ORMDL1: variants seen among roughly 807,000 people sequenced by gnomAD.
ORMDL1 encodes the protein ORM1-like protein 1.
ORMDL1 carries 10 observed loss-of-function variants against 13.0 expected under a neutral mutation model. That is an observed-to-expected ratio of 0.77 (90% confidence interval 0.47 to 1.30). ORMDL1 has a LOEUF of 1.30. Among genes scored for constraint, ORMDL1 ranks in the 50% most tolerant of loss-of-function variants. The pLI is 0.00. For missense variants in ORMDL1, 171 were observed against 186.7 expected (o/e 0.92, Z 0.49); for synonymous variants, 61 against 63.9 (o/e 0.95, Z 0.22).
At chr2:189,777,516 AAC>A (rs1390395910) in intron 3 of ORMDL1, among the ~76,000 whole-genome samples, 2 of 152,246 alleles carry the variant, frequency 1.3e-5, no homozygotes, top group African/African-American at 4.8e-5. Context: ...AGAATATCAA[AAC>A]AGTTTATTTT....
At chr2:189,774,152 G>A (rs1334989760) in intron 4 of ORMDL1, 1 of 152,162 alleles carries the variant, frequency 6.6e-6, no homozygotes, top group Admixed American at 6.5e-5. Context: ...ATGCATGCAT[G>A]CATTCATTCA....
At chr2:189,782,817 A>T (rs2047898009) in intron 2 of ORMDL1, 197 bp downstream of exon 2, 1 of 436,282 alleles carries the variant, frequency 2.3e-6, no homozygotes, top group African/African-American at 2.0e-5. Context: ...AAGACTTGTT[A>T]TTATGGTTCT....
intron 3 of ORMDL1, among the ~76,000 whole-genome samples, chr2:189,779,060 C>T (rs1036423830): frequency 6.6e-6 from 1 of 152,096 alleles, no homozygotes; most frequent in East Asian, 1.9e-4. Flanking sequence ...CACCTATAGT[C>T]CTAGCTACTT....
rs1464711182 is a variant in ORMDL1 at position 189,770,639 on chromosome 2, A to G, written c.*1128T>C. The G allele has an allele frequency of 6.6e-6, 1 of 152,176 alleles. No homozygotes were observed. Among genetic ancestry groups the G allele is most frequent in the African/African-American group, 2.4e-5 (1 of 41,418 alleles). The allele number at this position is 152,176 out of a possible 1,614,324, so 9.4% of individuals were successfully genotyped here. Reference sequence around the variant, plus strand: ...TAGTATATAGTTATTTCTTGCAATTAATGTCAGCAACTATAAGAAGCTTTC... The same window carrying G: ...TAGTATATAGTTATTTCTTGCAATTGATGTCAGCAACTATAAGAAGCTTTC... On this transcript the variant is annotated 3_prime_UTR_variant, in exon 5 of 5. Coordinates refer to ENST00000392349, the MANE Select transcript of ORMDL1 (RefSeq NM_016467.5).
At chr2:189,782,718 G>T in intron 2 of ORMDL1, 116 bp from the exon 3 acceptor site, 1 of 895,420 alleles carries the variant, frequency 1.1e-6, no homozygotes, top group Non-Finnish European at 1.7e-6. Context: ...TTACTTTGAA[G>T]TAGCACACAA....
chr2:189,783,958 C>G (rs2047995539), intron 1 of ORMDL1: 1 of 152,370 alleles, frequency 6.6e-6, no homozygotes, highest in Non-Finnish European at 1.5e-5. Context: ...GGAGTCCCCC[C>G]TGCTAGACCG....
chr2:189,779,277 G>C (rs1301176812), intron 3 of ORMDL1, among the ~76,000 whole-genome samples: 3 of 152,104 alleles, frequency 2.0e-5, no homozygotes, highest in African/African-American at 7.2e-5. Context: ...AGGAGTTCAA[G>C]ACCAGCCTGG....
At chr2:189,765,566 A>G (rs2047467413), downstream of ORMDL1, 1 of 152,236 alleles carries the variant, frequency 6.6e-6, no homozygotes, top group Non-Finnish European at 1.5e-5. Context: ...ATACTAATGT[A>G]TTATTTATGA....
intron 3 of ORMDL1, among the ~76,000 whole-genome samples, chr2:189,776,081 T>C (rs1032981541): frequency 1.3e-5 from 2 of 152,146 alleles, no homozygotes; most frequent in Admixed American, 6.6e-5. Flanking sequence ...AGGTTTTTCT[T>C]CAGGGTATAT....
downstream of ORMDL1, chr2:189,765,522 A>G (rs2047467103): frequency 6.6e-6 from 1 of 152,236 alleles, no homozygotes; most frequent in African/African-American, 2.4e-5. Flanking sequence ...TACCCACCAC[A>G]AACTGCTAAT....
intron 4 of ORMDL1, among the ~76,000 whole-genome samples, chr2:189,773,355 T>G (rs978801899): frequency 6.6e-6 from 1 of 152,228 alleles, no homozygotes; most frequent in Non-Finnish European, 1.5e-5. Flanking sequence ...GATAGTAGTT[T>G]AGGGTTTAAC....
At chr2:189,767,708 CTT>C (rs2047506037), downstream of ORMDL1, among the ~76,000 whole-genome samples, 3 of 152,164 alleles carry the variant, frequency 2.0e-5, no homozygotes, top group South Asian at 6.2e-4. Context: ...ATCTGCTAAA[CTT>C]AACATTATTT....
chr2:189,780,324 G>A (rs4525728), intron 3 of ORMDL1, among the ~76,000 whole-genome samples: 89,937 of 152,166 alleles, frequency 0.59, 30,134 homozygotes, highest in South Asian at 0.76. Flanking sequence ...TTGGGTTTCT[G>A]ATTAGGGATG....
rs752418019 is a variant in ORMDL1, at chr2:189,775,712, A to G, written c.179T>C (p.Met60Thr). The G allele has an allele frequency of 5.0e-5, 80 of 1,611,512 alleles. No homozygotes were observed. Among genetic ancestry groups the G allele is most frequent in the Non-Finnish European group, 6.5e-5 (77 of 1,179,296 alleles). ...TTTCACTGCATGCAAAAATACGTAC[A>G]TCCCCTGGAAAACAAGCAAGGGGTT... ...TLTNIIHNLG[M>T]YVFLHAVKGT... Residue 60 changes from methionine to threonine, a missense_variant, in exon 4 of 5, where the codon ATG becomes ACG. Met to Thr is a moderately conservative substitution (Grantham distance 81). Transcript: ENST00000392349.
downstream of ORMDL1, among the ~76,000 whole-genome samples, chr2:189,766,807 CT>C (rs1386903284): frequency 2.6e-5 from 4 of 152,064 alleles, no homozygotes; most frequent in Non-Finnish European, 5.9e-5. Context: ...CACCATTCCA[CT>C]TTAAATTTGA....
intron 4 of ORMDL1, 48 bp downstream of exon 4, chr2:189,775,517 C>A: frequency 6.7e-7 from 1 of 1,487,632 alleles, no homozygotes; most frequent in Admixed American, 2.3e-5. Flanking sequence ...GAAAAGATAT[C>A]TTCCTCTTAT....
Position 189,770,752 on chromosome 2 carries a change from A to G in ORMDL1, c.*1015T>C, listed in dbSNP as rs2047560449. ...TACTAAAACCCACGTATTCAAAGGC[A>G]AAATATGGGGGTTGAGAGCAGGAGG... is the stretch of plus-strand genomic sequence containing the variant. On this transcript the variant is annotated 3_prime_UTR_variant, in exon 5 of 5. Coordinates refer to ENST00000392349, the MANE Select transcript of ORMDL1 (RefSeq NM_016467.5). The G allele has an allele frequency of 6.6e-6, 1 of 152,162 alleles. No homozygotes were observed. Among genetic ancestry groups the G allele is most frequent in the Non-Finnish European group, 1.5e-5 (1 of 68,030 alleles). 9.4% of individuals were successfully genotyped at this position (152,162 alleles called of 1,614,324 possible).
In ORMDL1 at chr2:189,782,414, ATTC is replaced by A; in HGVS notation, c.174+5_174+7del. 1 of 1,607,332 alleles carries A rather than the reference ATTC, an allele frequency of 6.2e-7. No homozygotes were observed. The highest frequency in any genetic ancestry group is 8.5e-7 in the Non-Finnish European group (1 of 1,174,906). On this transcript the variant is annotated splice_donor_5th_base_variant and intron_variant, in intron 3 of 4. Coordinates refer to ENST00000392349, the MANE Select transcript of ORMDL1 (RefSeq NM_016467.5). ...TTTTAAGTGTTTAGTATAATGTGAA[ATTC>A]TTACCAGATTATGTATAATATTTGT...
At chr2:189,768,005 T>C (rs1432533125), downstream of ORMDL1, among the ~76,000 whole-genome samples, 1 of 152,222 alleles carries the variant, frequency 6.6e-6, no homozygotes, top group Non-Finnish European at 1.5e-5. Context: ...ATAATTCTCA[T>C]GCATTCATTT....
Sources: gnomAD v4.1 joint callset for allele counts (sites outside exome capture counted in the v4.1 genomes callset) on GRCh38, gnomAD v4.1.1 for gene constraint, MANE v1.5 for transcripts, NCBI Gene and HGNC (gene_info 2026-07-23, HGNC 2026-07-21) for gene names.